The following DISC1 variants were observed in gnomAD, a reference collection of about 807,000 sequenced individuals.
DISC1 encodes the protein DISC1 scaffold protein.
A neutral mutation model predicts 84.5 loss-of-function variants in DISC1; 57 were observed. That is an observed-to-expected ratio of 0.67 (90% confidence interval 0.55 to 0.84). The LOEUF (loss-of-function observed/expected upper bound fraction) is 0.84, where lower values mean the gene tolerates loss of function less well. DISC1 is among the 40% of genes least tolerant of loss of function. The pLI is 0.00. For synonymous variants in DISC1, 411 were observed against 415.2 expected (o/e 0.99, Z 0.12); for missense variants, 1,000 against 1,057.8 (o/e 0.95, Z 0.76).
At chr1:231,808,216 T>C (rs555507756) in intron 8 of DISC1, among the ~76,000 whole-genome samples, 33 of 152,310 alleles carry the variant, frequency 2.2e-4, no homozygotes, top group African/African-American at 7.9e-4. Flanking sequence ...ATAGGAACCT[T>C]CATAAACAGT....
intron 9 of DISC1, chr1:231,854,869 A>G: frequency 2.4e-6 from 1 of 419,352 alleles, no homozygotes; most frequent in Non-Finnish European, 4.7e-6. Context: ...GGTGCCCGCC[A>G]CCATGCCTGG....
chr1:231,692,739 A>G (rs966503396), intron 1 of DISC1, among the ~76,000 whole-genome samples: 1 of 152,230 alleles, frequency 6.6e-6, no homozygotes, highest in African/African-American at 2.4e-5. Context: ...GGGCCAGTAG[A>G]GTCAAGAGAC....
intron 9 of DISC1, among the ~76,000 whole-genome samples, chr1:231,896,352 T>C (rs201375333): frequency 3.3e-5 from 5 of 152,220 alleles, no homozygotes; most frequent in Non-Finnish European, 5.9e-5. Flanking sequence ...ATTTTAAAGC[T>C]GTCTCTTCAT....
chr1:232,010,904 A>T (rs2103003377), intron 11 of DISC1, among the ~76,000 whole-genome samples: 1 of 152,300 alleles, frequency 6.6e-6, no homozygotes, highest in East Asian at 1.9e-4. Context: ...TGAGGGTGTT[A>T]TAATCTACTT....
intron 10 of DISC1, among the ~76,000 whole-genome samples, chr1:231,990,694 T>G (rs978382025): frequency 2.0e-5 from 3 of 152,126 alleles, no homozygotes; most frequent in African/African-American, 4.8e-5. Flanking sequence ...GGCTTACATC[T>G]TTTGGGTTTG....
chr1:231,982,412 T>C (rs1337682390), intron 10 of DISC1, among the ~76,000 whole-genome samples: 2 of 152,162 alleles, frequency 1.3e-5, no homozygotes, highest in Non-Finnish European at 2.9e-5. Context: ...CCCCTTTATT[T>C]CTTCTTATCT....
intron 11 of DISC1, among the ~76,000 whole-genome samples, chr1:232,020,371 G>A (rs1335701808): frequency 6.6e-6 from 1 of 151,692 alleles, no homozygotes; most frequent in Admixed American, 6.6e-5. Flanking sequence ...AAAAATAAAA[G>A]GATTCTTCAA....
At chr1:231,723,418 T>A in intron 3 of DISC1, 1 of 985,558 alleles carries the variant, frequency 1.0e-6, no homozygotes, top group African/African-American at 1.7e-5. Flanking sequence ...ATTATTGCTG[T>A]GAGATCAGGT....
At chr1:231,947,116 A>G (rs1657387316) in intron 9 of DISC1, among the ~76,000 whole-genome samples, 1 of 151,880 alleles carries the variant, frequency 6.6e-6, no homozygotes, top group Admixed American at 6.6e-5. Flanking sequence ...TTTAAAGTTC[A>G]TACAGAACCA....
At chr1:232,010,436 G>A (rs1444399675) in intron 11 of DISC1, among the ~76,000 whole-genome samples, 1 of 152,152 alleles carries the variant, frequency 6.6e-6, no homozygotes, top group African/African-American at 2.4e-5. Flanking sequence ...GGAGCTCGGT[G>A]TGGGGCAGTC....
intron 11 of DISC1, among the ~76,000 whole-genome samples, chr1:232,011,381 T>C (rs1436337999): frequency 6.6e-6 from 1 of 152,176 alleles, no homozygotes; most frequent in Admixed American, 6.5e-5. Context: ...ATTTATTTGT[T>C]GCTTTCTTGG....
At chr1:231,836,787 C>T (rs551313501) in intron 9 of DISC1, among the ~76,000 whole-genome samples, 1 of 152,328 alleles carries the variant, frequency 6.6e-6, no homozygotes, top group African/African-American at 2.4e-5. Flanking sequence ...AGGATGTCCG[C>T]GTGCTCTGGA....
chr1:231,695,818 G>A (rs1180780862), intron 2 of DISC1, among the ~76,000 whole-genome samples: 1 of 152,102 alleles, frequency 6.6e-6, no homozygotes, highest in South Asian at 2.1e-4. Flanking sequence ...CTCATTCCCC[G>A]AAAGAGCATC....
chr1:231,733,551 G>A (rs1488788719), intron 3 of DISC1, among the ~76,000 whole-genome samples: 2 of 147,810 alleles, frequency 1.4e-5, no homozygotes, highest in African/African-American at 4.9e-5. Flanking sequence ...TGGTAGGAGT[G>A]GTAGTGGCTG....
At chr1:231,814,695 C>A (rs1033152049) in intron 8 of DISC1, among the ~76,000 whole-genome samples, 1 of 151,956 alleles carries the variant, frequency 6.6e-6, no homozygotes, top group African/African-American at 2.4e-5. Context: ...CTGCTAACAC[C>A]TTTCTTCAAG....
chr1:231,742,240 A>G (rs2073376968), intron 3 of DISC1, among the ~76,000 whole-genome samples: 1 of 152,128 alleles, frequency 6.6e-6, no homozygotes, highest in South Asian at 2.1e-4. Flanking sequence ...TGCCTGGAAT[A>G]TCCAATTAGT....
intron 7 of DISC1, among the ~76,000 whole-genome samples, chr1:231,797,108 A>C (rs1202253995): frequency 2.0e-5 from 3 of 152,180 alleles, no homozygotes; most frequent in Non-Finnish European, 4.4e-5. Flanking sequence ...TTTATTGACT[A>C]TCTTCAGAAC....
chr1:231,854,161 GT>G (rs1309611814), intron 9 of DISC1, among the ~76,000 whole-genome samples: 1 of 152,114 alleles, frequency 6.6e-6, no homozygotes, highest in Non-Finnish European at 1.5e-5. Flanking sequence ...TTGTTGTCTG[GT>G]GGGCCTGAGT....
chr1:231,676,450 G>A (rs143604684), intron 1 of DISC1, among the ~76,000 whole-genome samples: 255 of 152,314 alleles, frequency 1.7e-3, no homozygotes, highest in Non-Finnish European at 2.5e-3. Context: ...GAGAGGCTGC[G>A]TCTTAAATCC....
Sources: allele counts gnomAD v4.1 joint callset (sites outside exome capture counted in the v4.1 genomes callset), GRCh38; gene constraint gnomAD v4.1.1; transcripts MANE v1.5; gene names NCBI Gene and HGNC (gene_info 2026-07-23, HGNC 2026-07-21).